The following SMAD1 variants were observed in gnomAD, a reference collection of about 807,000 sequenced individuals.
The protein encoded by SMAD1 is MAD, mothers against decapentaplegic homolog 1.
A neutral mutation model predicts 41.6 loss-of-function variants in SMAD1; 6 were observed. The ratio of observed to expected loss-of-function variants is 0.14; its 90% CI spans 0.08 to 0.28. SMAD1 has a LOEUF of 0.28. Among genes scored for constraint, SMAD1 ranks in the 10% least tolerant of loss-of-function variants. The pLI is 1.00. For missense variants in SMAD1, 379 were observed against 582.6 expected, an observed-to-expected ratio of 0.65 and a Z score of 3.60; for synonymous variants, 206 against 203.2, an observed-to-expected ratio of 1.01 and a Z score of -0.12.
At chr4:145,554,572 T>C (rs1732735883) in intron 6 of SMAD1, among the ~76,000 whole-genome samples, 2 of 152,184 alleles carry the variant, frequency 1.3e-5, no homozygotes, top group African/African-American at 4.8e-5. Context: ...AATTCAGAAG[T>C]TAATAAGGCC....
At chr4:145,533,385 C>A (rs995118577) in intron 2 of SMAD1, among the ~76,000 whole-genome samples, 1 of 152,158 alleles carries the variant, frequency 6.6e-6, no homozygotes, top group Non-Finnish European at 1.5e-5. Context: ...TTACAGACAC[C>A]CTACTTATAC....
chr4:145,552,767 GC>G (rs1278452255), intron 5 of SMAD1, among the ~76,000 whole-genome samples: 2 of 152,076 alleles, frequency 1.3e-5, no homozygotes, highest in Non-Finnish European at 2.9e-5. Context: ...TACAATAAAT[GC>G]AAGAGCGCTT....
intron 1 of SMAD1, chr4:145,483,052 AG>A (rs1432948145): frequency 6.6e-5 from 10 of 152,112 alleles, no homozygotes; most frequent in Admixed American, 2.6e-4. Flanking sequence ...ACAGTAGCTG[AG>A]CTTTTGTTTA....
At chr4:145,531,141 T>C (rs1321410882) in intron 2 of SMAD1, among the ~76,000 whole-genome samples, 2 of 152,244 alleles carry the variant, frequency 1.3e-5, no homozygotes, top group Non-Finnish European at 1.5e-5. Flanking sequence ...TAGGCTGTTA[T>C]ATATTTTCAT....
intron 2 of SMAD1, among the ~76,000 whole-genome samples, chr4:145,536,137 G>A (rs763554652): frequency 1.2e-4 from 19 of 152,066 alleles, no homozygotes; most frequent in Non-Finnish European, 2.5e-4. Context: ...TTGAAATAAG[G>A]AGATACAGAT....
rs1435005562 is a variant in SMAD1 at position 145,482,487 on chromosome 4, T to C, written c.-177+449T>C. ...CCCGTTCGCGTGGCCCGCGGACCCATTGTGTCCCCCGCGCCGGCGGGGCGA... is the reference window on the plus strand; with the variant it reads ...CCCGTTCGCGTGGCCCGCGGACCCACTGTGTCCCCCGCGCCGGCGGGGCGA... On this transcript the variant is annotated intron_variant, in intron 1 of 6. Coordinates refer to ENST00000302085, the MANE Select transcript of SMAD1 (RefSeq NM_005900.3). The surrounding 1 kb of genome is among the most constrained non-coding windows in gnomAD (Gnocchi z 4.2). 1 of 151,916 alleles carries C rather than the reference T, an allele frequency of 6.6e-6. No homozygotes were observed. The highest frequency in any genetic ancestry group is 2.4e-5 in the African/African-American group (1 of 41,446). The allele number at this position is 151,916 out of a possible 1,614,324, so 9.4% of individuals were successfully genotyped here.
intron 2 of SMAD1, among the ~76,000 whole-genome samples, chr4:145,517,327 A>T (rs1195888687): frequency 6.6e-6 from 1 of 152,190 alleles, no homozygotes; most frequent in East Asian, 1.9e-4. Context: ...TGTGTCTAGC[A>T]CATGGTCATT....
At chr4:145,543,924 A>C (rs143934391) in intron 4 of SMAD1, among the ~76,000 whole-genome samples, 18 of 152,352 alleles carry the variant, frequency 1.2e-4, no homozygotes, top group African/African-American at 3.8e-4. Flanking sequence ...GTTTCATTTT[A>C]GTGCTTTTTT....
At chr4:145,485,369 C>G (rs1219354960) in intron 1 of SMAD1, among the ~76,000 whole-genome samples, 2 of 152,208 alleles carry the variant, frequency 1.3e-5, no homozygotes, top group Non-Finnish European at 2.9e-5. Flanking sequence ...AGCCACTGCA[C>G]TCGGCTACTT....
At chr4:145,537,337 C>G (rs1362136616) in intron 2 of SMAD1, among the ~76,000 whole-genome samples, 1 of 152,016 alleles carries the variant, frequency 6.6e-6, no homozygotes, top group Non-Finnish European at 1.5e-5. Flanking sequence ...TCAGATAATT[C>G]AGAAGAAGTG....
rs375810018 is a variant in SMAD1, at chr4:145,506,689, TA to T, written c.-176-7740del. Among the ~76,000 whole-genome samples, 243 of 151,558 alleles carry T rather than the reference TA, an allele frequency of 1.6e-3. 4 individuals carry two copies. In the South Asian group the frequency reaches 0.035, roughly 22 times the overall value. ...ATCTTCATATACAAATTAGGGTAAT[TA>T]AAAAAAAACTTTCTGTGGGAATTTG... On this transcript the variant is annotated intron_variant, in intron 1 of 6. Coordinates refer to ENST00000302085, the MANE Select transcript of SMAD1 (RefSeq NM_005900.3).
At chr4:145,513,473 AT>A (rs1376806593) in intron 1 of SMAD1, 1 of 152,204 alleles carries the variant, frequency 6.6e-6, no homozygotes, top group Non-Finnish European at 1.5e-5. Context: ...TGGCTAAAGA[AT>A]TTGGTACAGT....
intron 1 of SMAD1, among the ~76,000 whole-genome samples, chr4:145,507,678 C>G (rs1729865583): frequency 6.7e-6 from 1 of 149,260 alleles, no homozygotes; most frequent in Non-Finnish European, 1.5e-5. Context: ...TAGATGAATA[C>G]TTTTTTGTTA....
intron 1 of SMAD1, among the ~76,000 whole-genome samples, chr4:145,511,939 G>A (rs1730101145): frequency 6.6e-6 from 1 of 152,168 alleles, no homozygotes; most frequent in Admixed American, 6.5e-5. Context: ...TTCTTTTAGT[G>A]ACAATCTGCT....
intron 5 of SMAD1, among the ~76,000 whole-genome samples, chr4:145,552,617 T>C (rs1732611990): frequency 6.6e-6 from 1 of 152,180 alleles, no homozygotes; most frequent in African/African-American, 2.4e-5. Context: ...GTATGACTTT[T>C]CTAGTTTCAT....
At chr4:145,517,696 C>T (rs1730503523) in intron 2 of SMAD1, among the ~76,000 whole-genome samples, 1 of 128,940 alleles carries the variant, frequency 7.8e-6, no homozygotes, top group African/African-American at 2.5e-5. Flanking sequence ...TTATCTATAC[C>T]TTTTGACCAT....
intron 2 of SMAD1, among the ~76,000 whole-genome samples, chr4:145,527,629 A>G (rs1180639558): frequency 6.6e-6 from 1 of 152,104 alleles, no homozygotes; most frequent in African/African-American, 2.4e-5. Flanking sequence ...CTGGAAAGCC[A>G]GGATTCAAAT....
chr4:145,522,366 C>T (rs189064810), intron 2 of SMAD1, among the ~76,000 whole-genome samples: 1,938 of 152,260 alleles, frequency 0.013, 38 homozygotes, highest in African/African-American at 0.044. Flanking sequence ...CTGTGGGAGG[C>T]CAAGGCGGGT....
At chr4:145,502,846 T>G (rs1416681586) in intron 1 of SMAD1, 2 of 152,222 alleles carry the variant, frequency 1.3e-5, no homozygotes, top group African/African-American at 4.8e-5. Context: ...GGTATTCCTT[T>G]TCTTTTTGAT....
Sources: allele counts gnomAD v4.1 joint callset (sites outside exome capture counted in the v4.1 genomes callset), GRCh38; gene constraint gnomAD v4.1.1; non-coding constraint Gnocchi (gnomAD v3.1); transcripts MANE v1.5; gene names NCBI Gene and HGNC (gene_info 2026-07-23, HGNC 2026-07-21).